The following DOCK3 variants were observed in gnomAD, a reference collection of about 807,000 sequenced individuals.
DOCK3 encodes dedicator of cytokinesis protein 3.
Under a neutral mutation model 265.6 loss-of-function variants are expected in DOCK3, and 60 were observed. The ratio of observed to expected loss-of-function variants is 0.23; its 90% CI spans 0.18 to 0.28. The LOEUF (loss-of-function observed/expected upper bound fraction) is 0.28. DOCK3 is among the 10% of genes least tolerant of loss of function. The pLI, the probability that DOCK3 is intolerant of heterozygous loss-of-function variation, is 1.00. For synonymous variants in DOCK3, 881 were observed against 938.0 expected (o/e 0.94, Z 1.11); for missense variants, 1,981 against 2,594.3 (o/e 0.76, Z 5.14).
intron 3 of DOCK3, among the ~76,000 whole-genome samples, chr3:50,859,023 A>G (rs973111719): frequency 5.3e-5 from 8 of 151,596 alleles, no homozygotes; most frequent in African/African-American, 7.3e-5. Flanking sequence ...TCTTTTTTAT[A>G]TTGGCTATTT....
At chr3:50,769,043 A>G (rs754888455) in intron 1 of DOCK3, among the ~76,000 whole-genome samples, 2 of 149,438 alleles carry the variant, frequency 1.3e-5, no homozygotes, top group Non-Finnish European at 3.0e-5. Context: ...CATCACATTT[A>G]TGTCTTCTTT....
chr3:50,698,142 C>T (rs2035754067), intron 1 of DOCK3, among the ~76,000 whole-genome samples: 1 of 151,934 alleles, frequency 6.6e-6, no homozygotes, highest in Non-Finnish European at 1.5e-5. Context: ...TTTCATTACC[C>T]CCAAAAGAAA....
At position 51,148,447 on chromosome 3, in the gene DOCK3, G is replaced by A. The variant is rs551698209; in HGVS notation, c.828+1817G>A. 4.6e-5 allele frequency among the ~76,000 whole-genome samples: 7 copies of A among 152,276 alleles called. No homozygotes were observed. The South Asian group carries it at 1.5e-3, about 32-fold the overall frequency. ...CTATGTCCTGAATGGTACTGCCTGG[G>A]TTTTCTTCTAGGATTTTTATGGTTT... is the stretch of plus-strand genomic sequence containing the variant. On this transcript the variant is annotated intron_variant, in intron 10 of 52. Transcript: ENST00000266037.
chr3:50,855,862 G>C (rs547633200), intron 3 of DOCK3, among the ~76,000 whole-genome samples: 1 of 152,088 alleles, frequency 6.6e-6, no homozygotes, highest in South Asian at 2.1e-4. Context: ...ACAGGCCCCA[G>C]TATGTGTTGT....
Position 51,242,878 on chromosome 3 carries a change from T to A in DOCK3, c.2103-3848T>A, listed in dbSNP as rs141197115. 1.8e-3 allele frequency among the ~76,000 whole-genome samples: 271 copies of A among 152,138 alleles called. 3 individuals are homozygous for A. Among genetic ancestry groups the A allele is most frequent in the African/African-American group, 5.8e-3 (241 of 41,486 alleles). Reference sequence around the variant, plus strand: ...AGTAAAGCATTGTGGAGAGTTGCAGTGGGTCCTGGGGAAGCTGCAGTATGG... The same window carrying A: ...AGTAAAGCATTGTGGAGAGTTGCAGAGGGTCCTGGGGAAGCTGCAGTATGG... On this transcript the variant is annotated intron_variant, in intron 21 of 52. Transcript: ENST00000266037.
At chr3:50,708,589 G>A (rs1214505292) in intron 1 of DOCK3, among the ~76,000 whole-genome samples, 5 of 152,218 alleles carry the variant, frequency 3.3e-5, no homozygotes, top group Admixed American at 2.6e-4. Flanking sequence ...GTAGGACCCG[G>A]CAGTAATGCC....
chr3:51,332,878 C>T (rs2084619965), intron 33 of DOCK3, 123 bp from the exon 34 acceptor site: 1 of 1,296,808 alleles, frequency 7.7e-7, no homozygotes, highest in East Asian at 2.5e-5. Flanking sequence ...GGAGCCGAAC[C>T]CCTCCCTCCC....
chr3:50,962,413 C>A (rs1338576937), intron 5 of DOCK3, among the ~76,000 whole-genome samples: 2 of 152,114 alleles, frequency 1.3e-5, no homozygotes, highest in Admixed American at 6.6e-5. Context: ...CTAGGCAGAT[C>A]TTGTGAGGTA....
intron 27 of DOCK3, among the ~76,000 whole-genome samples, chr3:51,308,653 A>G (rs1234518815): frequency 6.6e-6 from 1 of 152,204 alleles, no homozygotes; most frequent in African/African-American, 2.4e-5. Context: ...CCCATTTCTC[A>G]ATCTTTTCCC....
At chr3:50,912,663 T>C (rs1190265247) in intron 4 of DOCK3, among the ~76,000 whole-genome samples, 4 of 152,114 alleles carry the variant, frequency 2.6e-5, no homozygotes, top group Admixed American at 6.5e-5. Flanking sequence ...CAAGACAACA[T>C]CCTTCCCCCT....
rs1480848841 is a variant in DOCK3, at chr3:51,082,957, C to T, written c.550-6286C>T. Reference sequence around the variant, plus strand: ...TGGCACACCACTGCTACTGCCATTGCCAGTGCCATGTGTACCACCACGGGG... The same window carrying T: ...TGGCACACCACTGCTACTGCCATTGTCAGTGCCATGTGTACCACCACGGGG... On this transcript the variant is annotated intron_variant, in intron 7 of 52. Transcript: ENST00000266037. Among the ~76,000 whole-genome samples the T allele has an allele frequency of 2.0e-5, 3 of 152,142 alleles. No homozygotes were observed. The East Asian group carries it at 5.8e-4, about 29-fold the overall frequency.
At chr3:51,245,240 G>A (rs1211566873) in intron 21 of DOCK3, among the ~76,000 whole-genome samples, 2 of 152,068 alleles carry the variant, frequency 1.3e-5, no homozygotes, top group African/African-American at 4.8e-5. Flanking sequence ...GGGAGGCTGA[G>A]ACACAAGAAT....
intron 12 of DOCK3, among the ~76,000 whole-genome samples, chr3:51,205,713 G>C (rs2089163989): frequency 6.6e-6 from 1 of 151,956 alleles, no homozygotes; most frequent in Non-Finnish European, 1.5e-5. Context: ...TCAGTTAATA[G>C]ATAGATAGAA....
chr3:51,252,196 G>A (rs1576547732), intron 22 of DOCK3, among the ~76,000 whole-genome samples: 3 of 152,162 alleles, frequency 2.0e-5, no homozygotes, highest in East Asian at 3.9e-4. Context: ...ATTTCTCAGG[G>A]CTCTATTCTG....
intron 27 of DOCK3, among the ~76,000 whole-genome samples, chr3:51,291,156 C>T (rs1017660360): frequency 6.6e-6 from 1 of 152,046 alleles, no homozygotes; most frequent in Non-Finnish European, 1.5e-5. Context: ...GCAAAAGCAG[C>T]TCTGGGAGGG....
intron 6 of DOCK3, among the ~76,000 whole-genome samples, chr3:51,067,226 G>A (rs1028038683): frequency 2.6e-5 from 4 of 152,056 alleles, no homozygotes; most frequent in Non-Finnish European, 5.9e-5. Context: ...AACTATTTCA[G>A]AACTATCAGT....
chr3:51,022,734 G>T (rs1055976725), intron 5 of DOCK3, among the ~76,000 whole-genome samples: 5 of 152,098 alleles, frequency 3.3e-5, no homozygotes, highest in Non-Finnish European at 5.9e-5. Flanking sequence ...GGTCCAAATT[G>T]TCAATTTTGG....
intron 1 of DOCK3, among the ~76,000 whole-genome samples, chr3:50,717,460 T>A (rs2037185713): frequency 1.3e-5 from 2 of 152,228 alleles, no homozygotes; most frequent in South Asian, 4.1e-4. Context: ...TATATTTATG[T>A]ATGTGTGTAT....
chr3:50,749,816 G>A (rs2039675544), intron 1 of DOCK3, among the ~76,000 whole-genome samples: 1 of 152,204 alleles, frequency 6.6e-6, no homozygotes, highest in African/African-American at 2.4e-5. Context: ...ATGCCTTAAG[G>A]TAGTGTTTAA....
Sources: gnomAD v4.1 joint callset for allele counts (sites outside exome capture counted in the v4.1 genomes callset) on GRCh38, gnomAD v4.1.1 for gene constraint, MANE v1.5 for transcripts, NCBI Gene and HGNC (gene_info 2026-07-23, HGNC 2026-07-21) for gene names.